ST6GALNAC3: variants seen among roughly 807,000 people sequenced by gnomAD.
ST6GALNAC3 encodes alpha-N-acetylgalactosaminide alpha-2,6-sialyltransferase 3.
Under a neutral mutation model 32.7 loss-of-function variants are expected in ST6GALNAC3, and 25 were observed. The ratio of observed to expected loss-of-function variants is 0.76; its 90% CI spans 0.56 to 1.07. ST6GALNAC3 has a LOEUF of 1.07. ST6GALNAC3 is among the 50% of genes least tolerant of loss of function. The probability of loss-of-function intolerance (pLI) is 0.00; values close to 1 mark genes in which losing one functional copy is unlikely to be tolerated. For missense variants in ST6GALNAC3, 355 were observed against 382.4 expected, an observed-to-expected ratio of 0.93 and a Z score of 0.60; for synonymous variants, 129 against 133.1, an observed-to-expected ratio of 0.97 and a Z score of 0.21.
chr1:76,193,727 A>G (rs890576109), intron 1 of ST6GALNAC3, among the ~76,000 whole-genome samples: 47 of 152,270 alleles, frequency 3.1e-4, no homozygotes, highest in Non-Finnish European at 2.2e-4. Flanking sequence ...ACAAAATACC[A>G]TAGACTAGGT....
At chr1:76,232,233 T>G (rs1040229116) in intron 1 of ST6GALNAC3, among the ~76,000 whole-genome samples, 4 of 152,210 alleles carry the variant, frequency 2.6e-5, no homozygotes, top group African/African-American at 9.6e-5. Flanking sequence ...TATCTATGAC[T>G]GATGTAGTTC....
At chr1:76,415,171 C>CTTTTT (rs71072000) in intron 3 of ST6GALNAC3, among the ~76,000 whole-genome samples, 225 of 70,188 alleles carry the variant, frequency 3.2e-3, no homozygotes, top group East Asian at 4.5e-3. Context: ...GGATTCATGT[C>CTTTTT]TTTTTTTTTT....
intron 3 of ST6GALNAC3, among the ~76,000 whole-genome samples, chr1:76,604,240 A>G (rs1197273107): frequency 6.6e-6 from 1 of 152,214 alleles, no homozygotes. Flanking sequence ...TATCTCTAGA[A>G]TATGTTCTGT....
At chr1:76,600,062 A>T (rs1414469406) in intron 3 of ST6GALNAC3, among the ~76,000 whole-genome samples, 2 of 152,114 alleles carry the variant, frequency 1.3e-5, no homozygotes, top group Non-Finnish European at 1.5e-5. Context: ...CTGTGGTAGT[A>T]TCAGGAAGTG....
chr1:76,420,203 G>A (rs761379151), intron 3 of ST6GALNAC3, among the ~76,000 whole-genome samples: 23 of 151,958 alleles, frequency 1.5e-4, no homozygotes, highest in Non-Finnish European at 3.4e-4. Context: ...CAAGTTTCCA[G>A]GCCCGGCCAT....
intron 3 of ST6GALNAC3, among the ~76,000 whole-genome samples, chr1:76,557,062 T>TA: frequency 6.6e-6 from 1 of 151,888 alleles, no homozygotes; most frequent in South Asian, 2.1e-4. Flanking sequence ...GTGAGGAAGG[T>TA]GTCTAACTTC....
At chr1:76,127,910 C>A (rs909847273) in intron 1 of ST6GALNAC3, among the ~76,000 whole-genome samples, 1 of 152,116 alleles carries the variant, frequency 6.6e-6, no homozygotes, top group Admixed American at 6.5e-5. Flanking sequence ...ACCTTTAAGG[C>A]CCTGCATGAC....
chr1:76,127,734 G>A (rs1649345910), intron 1 of ST6GALNAC3, among the ~76,000 whole-genome samples: 1 of 152,130 alleles, frequency 6.6e-6, no homozygotes, highest in Non-Finnish European at 1.5e-5. Flanking sequence ...AGATGAGACA[G>A]TGATAAAAGG....
intron 2 of ST6GALNAC3, among the ~76,000 whole-genome samples, chr1:76,326,092 A>G (rs1647063436): frequency 6.6e-6 from 1 of 152,102 alleles, no homozygotes; most frequent in African/African-American, 2.4e-5. Context: ...GTTTTTGTGG[A>G]CCAGTTGCCA....
intron 3 of ST6GALNAC3, among the ~76,000 whole-genome samples, chr1:76,591,992 C>T (rs1054927284): frequency 1.3e-5 from 2 of 152,098 alleles, no homozygotes; most frequent in Non-Finnish European, 2.9e-5. Context: ...AAAGGGTCAA[C>T]CTGCAGAGAA....
rs979423420 is a variant in ST6GALNAC3, at chr1:76,519,086, T to C, written c.623+106669T>C. On this transcript the variant is annotated intron_variant, in intron 3 of 4. Transcript: ENST00000328299. ...TATCACTTAGCTTTATTATCAATAC[T>C]TTTTAGACTTAAAAACATGCATTCT... Among the ~76,000 whole-genome samples, 7 of 152,148 alleles carry C rather than the reference T, an allele frequency of 4.6e-5. No homozygotes were observed. The East Asian group carries it at 9.6e-4, about 21-fold the overall frequency.
chr1:76,239,218 T>G (rs2706185), intron 1 of ST6GALNAC3, among the ~76,000 whole-genome samples: 1 of 151,956 alleles, frequency 6.6e-6, no homozygotes. Flanking sequence ...GATAGAAGGG[T>G]GATGCTCTTT....
At chr1:76,220,818 C>T (rs547316964) in intron 1 of ST6GALNAC3, among the ~76,000 whole-genome samples, 2 of 152,178 alleles carry the variant, frequency 1.3e-5, no homozygotes, top group Non-Finnish European at 2.9e-5. Context: ...GAGATATTTA[C>T]ATGGGCAAGA....
chr1:76,082,877 G>T (rs1166688207), intron 1 of ST6GALNAC3, among the ~76,000 whole-genome samples: 77 of 146,206 alleles, frequency 5.3e-4, no homozygotes, highest in Admixed American at 3.3e-3. Flanking sequence ...CGTGTTTTTT[G>T]TTTTTTTTTT....
chr1:76,278,273 G>T (rs1340313321), intron 1 of ST6GALNAC3, among the ~76,000 whole-genome samples: 3 of 112,106 alleles, frequency 2.7e-5, no homozygotes, highest in Non-Finnish European at 4.8e-5. Context: ...CCAGGCTGGA[G>T]TGCAGTGGCG....
At chr1:76,447,635 C>T (rs1657074969) in intron 3 of ST6GALNAC3, among the ~76,000 whole-genome samples, 1 of 152,118 alleles carries the variant, frequency 6.6e-6, no homozygotes, top group Non-Finnish European at 1.5e-5. Flanking sequence ...CGCCCCCTCC[C>T]CGTGTAGCCT....
intron 2 of ST6GALNAC3, among the ~76,000 whole-genome samples, chr1:76,391,487 G>A (rs1652543802): frequency 6.6e-6 from 1 of 152,102 alleles, no homozygotes; most frequent in African/African-American, 2.4e-5. Flanking sequence ...ATAATTGAAT[G>A]TTCTTTAGAA....
At chr1:76,545,199 C>A (rs1664217230) in intron 3 of ST6GALNAC3, among the ~76,000 whole-genome samples, 1 of 152,200 alleles carries the variant, frequency 6.6e-6, no homozygotes, top group African/African-American at 2.4e-5. Flanking sequence ...TTAGGACGGA[C>A]TAAAAGTCAC....
At chr1:76,452,416 A>C (rs1657476655) in intron 3 of ST6GALNAC3, among the ~76,000 whole-genome samples, 1 of 152,148 alleles carries the variant, frequency 6.6e-6, no homozygotes, top group Non-Finnish European at 1.5e-5. Context: ...AAAACAAACA[A>C]ATACAGATGG....
Sources: allele counts gnomAD v4.1 joint callset (sites outside exome capture counted in the v4.1 genomes callset), GRCh38; gene constraint gnomAD v4.1.1; transcripts MANE v1.5; gene names NCBI Gene and HGNC (gene_info 2026-07-23, HGNC 2026-07-21).